HECW1: variants seen among roughly 807,000 people sequenced by gnomAD.
HECW1 encodes the protein E3 ubiquitin-protein ligase HECW1.
Under a neutral mutation model 182.3 loss-of-function variants are expected in HECW1, and 61 were observed. The ratio of observed to expected loss-of-function variants is 0.33; its 90% CI spans 0.27 to 0.41. HECW1 has a LOEUF of 0.41. Among genes scored for constraint, HECW1 ranks in the 10% least tolerant of loss-of-function variants. The pLI is 1.00. For missense variants in HECW1, 1,739 were observed against 2,108.9 expected (o/e 0.82, Z 3.44); for synonymous variants, 859 against 832.6 (o/e 1.03, Z -0.55).
At chr7:43,422,105 ATGT>A (rs888128295) in intron 8 of HECW1, among the ~76,000 whole-genome samples, 24 of 152,292 alleles carry the variant, frequency 1.6e-4, no homozygotes, top group African/African-American at 4.6e-4. Flanking sequence ...TGGTTGTGAG[ATGT>A]TGTTAAATAT....
At chr7:43,381,069 A>G (rs940884022) in intron 6 of HECW1, among the ~76,000 whole-genome samples, 2 of 152,184 alleles carry the variant, frequency 1.3e-5, no homozygotes, top group Non-Finnish European at 2.9e-5. Flanking sequence ...CTTTATTTGT[A>G]TCTTCCTGAT....
intron 2 of HECW1, among the ~76,000 whole-genome samples, chr7:43,226,894 A>G (rs1797480507): frequency 6.6e-6 from 1 of 152,192 alleles, no homozygotes; most frequent in Non-Finnish European, 1.5e-5. Flanking sequence ...GCTCCAGAAC[A>G]CAGGATGGGG....
chr7:43,335,923 CCTTTCTTTCTTTTT>C (rs1812095682), intron 5 of HECW1, among the ~76,000 whole-genome samples: 1 of 150,042 alleles, frequency 6.7e-6, no homozygotes, highest in Non-Finnish European at 1.5e-5. Context: ...CTTTCTCTCT[CCTTTCTTTCTTTTT>C]CTTTCTTTCT....
intron 9 of HECW1, among the ~76,000 whole-genome samples, chr7:43,440,754 C>T (rs1385972365): frequency 1.3e-5 from 2 of 152,140 alleles, no homozygotes; most frequent in East Asian, 3.9e-4. Context: ...TAATATTGAC[C>T]AAAGGCTCTT....
chr7:43,507,357 G>C, intron 22 of HECW1, 100 bp downstream of exon 22: 1 of 1,182,158 alleles, frequency 8.5e-7, no homozygotes, highest in Non-Finnish European at 1.2e-6. Flanking sequence ...TGGCTACTCT[G>C]GTGTGGTAGT....
At chr7:43,227,429 T>C (rs987197069) in intron 2 of HECW1, among the ~76,000 whole-genome samples, 1 of 152,152 alleles carries the variant, frequency 6.6e-6, no homozygotes, top group African/African-American at 2.4e-5. Flanking sequence ...TCAATGATAA[T>C]GAAAATATAA....
chr7:43,137,480 T>C (rs1787671708), intron 2 of HECW1, among the ~76,000 whole-genome samples: 1 of 152,186 alleles, frequency 6.6e-6, no homozygotes, highest in Non-Finnish European at 1.5e-5. Flanking sequence ...CCTCAGCTCT[T>C]GGAACTTGTA....
At chr7:43,283,826 A>G (rs1804243579) in intron 3 of HECW1, among the ~76,000 whole-genome samples, 1 of 152,202 alleles carries the variant, frequency 6.6e-6, no homozygotes, top group Admixed American at 6.5e-5. Flanking sequence ...GCAGCAATCT[A>G]TTTCCTCCAT....
At chr7:43,299,019 A>G (rs1002234366) in intron 3 of HECW1, among the ~76,000 whole-genome samples, 19 of 152,240 alleles carry the variant, frequency 1.2e-4, no homozygotes, top group African/African-American at 4.6e-4. Flanking sequence ...CTGAGTTTCT[A>G]TTAGTCTGGA....
chr7:43,257,847 TA>T (rs1800744893), intron 3 of HECW1, among the ~76,000 whole-genome samples: 1 of 151,928 alleles, frequency 6.6e-6, no homozygotes, highest in Non-Finnish European at 1.5e-5. Context: ...CAATTAGAAA[TA>T]AGAAGAAGAA....
chr7:43,395,049 A>G (rs1006319485), intron 6 of HECW1, among the ~76,000 whole-genome samples: 10 of 154 alleles, frequency 0.065, no homozygotes, highest in Admixed American at 0.1. Context: ...CAGTTTGTTG[A>G]TCTTGTGGTG....
At chr7:43,250,921 A>G (rs1419553400) in intron 3 of HECW1, among the ~76,000 whole-genome samples, 2 of 152,208 alleles carry the variant, frequency 1.3e-5, no homozygotes, top group African/African-American at 2.4e-5. Flanking sequence ...CGGAGGGCAT[A>G]TGACCTTCAG....
intron 14 of HECW1, 108 bp from the exon 15 acceptor site, chr7:43,466,339 C>A: frequency 2.7e-6 from 3 of 1,124,656 alleles, no homozygotes; most frequent in South Asian, 1.4e-5. Context: ...ATCCAACAGT[C>A]TGCTGTGTGG....
At chr7:43,434,327 T>C (rs1187562074) in intron 8 of HECW1, among the ~76,000 whole-genome samples, 1 of 152,240 alleles carries the variant, frequency 6.6e-6, no homozygotes, top group African/African-American at 2.4e-5. Flanking sequence ...GGGGTCTGGA[T>C]AGAATAGGAA....
At chr7:43,331,872 G>A (rs755853061) in intron 5 of HECW1, among the ~76,000 whole-genome samples, 36 of 152,178 alleles carry the variant, frequency 2.4e-4, no homozygotes, top group Non-Finnish European at 4.8e-4. Flanking sequence ...GAGCCCATGG[G>A]AATGTCAGAG....
intron 6 of HECW1, among the ~76,000 whole-genome samples, chr7:43,389,716 T>C (rs2074944283): frequency 1.3e-5 from 2 of 151,974 alleles, no homozygotes; most frequent in Admixed American, 6.6e-5. Flanking sequence ...TCATGGCTCA[T>C]TGCAGCCTTG....
At chr7:43,314,169 T>C (rs1319470905) in intron 4 of HECW1, among the ~76,000 whole-genome samples, 1 of 152,194 alleles carries the variant, frequency 6.6e-6, no homozygotes, top group African/African-American at 2.4e-5. Flanking sequence ...TGAGTGCTGA[T>C]GTTATTCCTC....
chr7:43,315,770 A>C (rs1238688193), intron 4 of HECW1, among the ~76,000 whole-genome samples: 1 of 152,154 alleles, frequency 6.6e-6, no homozygotes, highest in Non-Finnish European at 1.5e-5. Context: ...CTGGGATTAC[A>C]GGCGTGATCC....
chr7:43,352,724 G>A (rs1814623244), intron 5 of HECW1, among the ~76,000 whole-genome samples: 2 of 152,110 alleles, frequency 1.3e-5, no homozygotes, highest in African/African-American at 4.8e-5. Flanking sequence ...TTTTTAAGAA[G>A]GCTAATAATG....
Sources: allele counts gnomAD v4.1 joint callset (sites outside exome capture counted in the v4.1 genomes callset), GRCh38; gene constraint gnomAD v4.1.1; transcripts MANE v1.5; gene names NCBI Gene and HGNC (gene_info 2026-07-23, HGNC 2026-07-21).